SHC4: variants seen among roughly 807,000 people sequenced by gnomAD.
SHC4 encodes the protein SHC adaptor protein 4.
SHC4 carries 41 observed loss-of-function variants against 69.4 expected under a neutral mutation model. The observed-to-expected ratio is 0.59, with a 90% CI of 0.46 to 0.77. The LOEUF (loss-of-function observed/expected upper bound fraction) is 0.77, where lower values mean the gene tolerates loss of function less well. Among genes scored for constraint, SHC4 ranks in the 30% least tolerant of loss-of-function variants. The pLI is 0.00. For missense variants in SHC4, 777 were observed against 783.8 expected, an observed-to-expected ratio of 0.99 and a Z score of 0.10; for synonymous variants, 318 against 299.3, an observed-to-expected ratio of 1.06 and a Z score of -0.64.
At chr15:48,892,863 C>CA (rs11391011) in intron 2 of SHC4, among the ~76,000 whole-genome samples, 19,223 of 72,598 alleles carry the variant, frequency 0.26, 1,776 homozygotes, top group East Asian at 0.47. Context: ...AACTCCGTCT[C>CA]AAAAAAAAAA....
chr15:48,861,900 A>C (rs1472323792), intron 6 of SHC4, among the ~76,000 whole-genome samples: 1 of 152,248 alleles, frequency 6.6e-6, no homozygotes, highest in Non-Finnish European at 1.5e-5. Context: ...ACACTTCTTT[A>C]CTACTTTTAT....
intron 2 of SHC4, among the ~76,000 whole-genome samples, chr15:48,902,505 T>C (rs1474534988): frequency 6.6e-6 from 1 of 152,124 alleles, no homozygotes; most frequent in Admixed American, 6.5e-5. Context: ...TCTCCCTATA[T>C]AAATCCAATC....
chr15:48,884,681 C>T (rs1277157217), intron 3 of SHC4, among the ~76,000 whole-genome samples: 1 of 152,076 alleles, frequency 6.6e-6, no homozygotes, highest in Non-Finnish European at 1.5e-5. Flanking sequence ...ACCAGCTGAA[C>T]TCTTGAGTCC....
At chr15:48,897,744 C>T (rs1264666545) in intron 2 of SHC4, among the ~76,000 whole-genome samples, 2 of 131,594 alleles carry the variant, frequency 1.5e-5, no homozygotes, top group Non-Finnish European at 3.3e-5. Flanking sequence ...ATCCCCACAT[C>T]CCCCACCTTC....
chr15:48,963,570 A>T lies in SHC4; in HGVS notation c.-555T>A, dbSNP rs1484097328. The T allele has an allele frequency of 6.5e-6, 1 of 152,722 alleles. No individual in the cohort carries two copies. The highest frequency in any genetic ancestry group is 1.5e-5 in the Non-Finnish European group (1 of 68,440). The allele number at this position is 152,722 out of a possible 1,614,324, so 9.5% of individuals were successfully genotyped here. On this transcript the variant is annotated 5_prime_UTR_variant, in exon 1 of 12. Transcript: ENST00000332408. ...AAAGGAAAAAAAAATGTATCTATGA[A>T]CCAAAGGCCCTTTTGCCTGGGTTCG...
Position 48,898,714 on chromosome 15 carries a change from G to A in SHC4, c.657-7903C>T, listed in dbSNP as rs913805838. Among the ~76,000 whole-genome samples, 3 of 152,200 alleles carry A rather than the reference G, an allele frequency of 2.0e-5. No individual in the cohort carries two copies. The East Asian group carries it at 5.8e-4, about 29-fold the overall frequency. On this transcript the variant is annotated intron_variant, in intron 2 of 11. Transcript: ENST00000332408. ...TCCCCTATAACTCTCACTAGTTAAC[G>A]GACATTAAGTGCTGGTTTTTTCCTG...
intron 2 of SHC4, among the ~76,000 whole-genome samples, chr15:48,897,462 G>GTGTTTTTAA (rs905873692): frequency 6.6e-6 from 1 of 151,478 alleles, no homozygotes; most frequent in African/African-American, 2.4e-5. Context: ...TAATTCTTCT[G>GTGTTTTTAA]TGTTTTTAAC....
intron 1 of SHC4, among the ~76,000 whole-genome samples, chr15:48,959,820 A>T (rs1901512050): frequency 6.6e-6 from 1 of 152,242 alleles, no homozygotes; most frequent in South Asian, 2.1e-4. Flanking sequence ...GAGGAACAGA[A>T]CAACAACCAG....
At chr15:48,915,999 T>TA (rs1900613494) in intron 2 of SHC4, among the ~76,000 whole-genome samples, 1 of 152,144 alleles carries the variant, frequency 6.6e-6, no homozygotes, top group Admixed American at 6.5e-5. Flanking sequence ...AGAATCCACA[T>TA]ACCATATGCT....
intron 1 of SHC4, among the ~76,000 whole-genome samples, chr15:48,937,625 TAGAG>T (rs896207389): frequency 1.3e-5 from 2 of 149,328 alleles, no homozygotes; most frequent in African/African-American, 4.9e-5. Flanking sequence ...GATAGATAGA[TAGAG>T]ATATAAATAA....
chr15:48,861,948 G>A (rs1899452461), intron 6 of SHC4, among the ~76,000 whole-genome samples: 2 of 151,924 alleles, frequency 1.3e-5, no homozygotes, highest in Admixed American at 6.6e-5. Context: ...TTTTGTTTCT[G>A]TCTTTTCCTT....
chr15:48,873,331 T>A (rs915451278), intron 4 of SHC4, among the ~76,000 whole-genome samples: 1 of 152,272 alleles, frequency 6.6e-6, no homozygotes, highest in African/African-American at 2.4e-5. Context: ...ATCTGAATAT[T>A]GGTTATACAA....
At chr15:48,884,875 C>G (rs1900006246) in intron 3 of SHC4, among the ~76,000 whole-genome samples, 1 of 152,184 alleles carries the variant, frequency 6.6e-6, no homozygotes, top group Admixed American at 6.5e-5. Context: ...TTGTTACCTT[C>G]AGATAATCAT....
At position 48,857,815 on chromosome 15, in the gene SHC4, G is replaced by T; in HGVS notation, c.947C>A (p.Ala316Asp). ...ATTGTGGCATTCCAATATGTGACAG[G>T]CTGCAAGAGGACATACAAAAAATAA... The part of the protein sequence containing the change: ...YVAKDPVNQR[A>D]CHILECHNGM... The change falls in exon 7 of 12, where the codon GCC (alanine) becomes GAC (aspartate). Residue 316 changes from alanine to aspartate, a missense_variant and splice_region_variant. Physicochemically the swap from Ala to Asp is moderately radical, Grantham distance 126. Transcript: ENST00000332408. 1 of 1,515,042 alleles carries T rather than the reference G, an allele frequency of 6.6e-7. No individual in the cohort carries two copies. Among genetic ancestry groups the T allele is most frequent in the Non-Finnish European group, 8.8e-7 (1 of 1,132,918 alleles). 93.8% of individuals were successfully genotyped at this position (1,515,042 alleles called of 1,614,324 possible). A position where few individuals can be genotyped will look rare whatever the true frequency, so the allele number is the denominator to read the frequency against.
At chr15:48,848,016 A>C (rs540270793) in intron 9 of SHC4, among the ~76,000 whole-genome samples, 10 of 150,476 alleles carry the variant, frequency 6.6e-5, no homozygotes, top group African/African-American at 2.4e-4. Context: ...AAAAAAAAAA[A>C]ACAAAAAAAA....
rs1901358667 is a variant in SHC4 at position 48,951,142 on chromosome 15, C to T, written c.585+11289G>A. On this transcript the variant is annotated intron_variant, in intron 1 of 11. Coordinates refer to ENST00000332408, the MANE Select transcript of SHC4 (RefSeq NM_203349.4). ...AATAACAACAAAAATAATTTCTCCC[C>T]AGTCCTAACTATTCTATTTTTTGCT... Among the ~76,000 whole-genome samples, 5 of 152,222 alleles carry T rather than the reference C, an allele frequency of 3.3e-5. No individual in the cohort carries two copies. The South Asian group carries it at 1.0e-3, about 32-fold the overall frequency.
chr15:48,962,799 T>C lies in SHC4; in HGVS notation c.217A>G (p.Thr73Ala). ...GTGGGGCTCTCCTGCGACGGCAAGGTGGCATCTTCAGTCGGCAGGTGAGGT... is the reference window on the plus strand; with the variant it reads ...GTGGGGCTCTCCTGCGACGGCAAGGCGGCATCTTCAGTCGGCAGGTGAGGT... The part of the protein sequence containing the change: ...LAPHLPTEDA[T>A]LPSQESPTPL... The change falls in exon 1 of 12, where the codon ACC (threonine) becomes GCC (alanine). Residue 73 changes from threonine (T) to alanine (A), a missense_variant. By Grantham distance (58) the Thr-to-Ala change is moderately conservative (BLOSUM62 0). Transcript: ENST00000332408. 1 of 1,609,202 alleles carries C rather than the reference T, an allele frequency of 6.2e-7. No individual in the cohort carries two copies. The highest frequency in any genetic ancestry group is 1.1e-5 in the South Asian group (1 of 90,908).
rs139552892 is a variant in SHC4 at position 48,856,096 on chromosome 15, C to T, written c.1099G>A (p.Glu367Lys). 2.7e-5 allele frequency: 43 copies of T among 1,613,292 alleles called. No individual in the cohort carries two copies. The East Asian group carries it at 5.8e-4, about 22-fold the overall frequency. ...SEEVHIDSHA[E>K]EREDHEYYNE... ...TAATATTCATGATCTTCTCTCTCCT[C>T]GGCATGGCTATCAATATGCACCTCC... The change falls in exon 8 of 12, where the codon GAG (glutamate) becomes AAG (lysine). Residue 367 changes from glutamate to lysine, a missense_variant. Transcript: ENST00000332408.
intron 8 of SHC4, among the ~76,000 whole-genome samples, chr15:48,851,857 G>C (rs951443430): frequency 6.6e-6 from 1 of 152,144 alleles, no homozygotes; most frequent in African/African-American, 2.4e-5. Context: ...TCAGGAAATG[G>C]TCTTTCAGAA....
Sources: gnomAD v4.1 joint callset for allele counts (sites outside exome capture counted in the v4.1 genomes callset) on GRCh38, gnomAD v4.1.1 for gene constraint, MANE v1.5 for transcripts, NCBI Gene and HGNC (gene_info 2026-07-23, HGNC 2026-07-21) for gene names.